The following TWIST2 variants were observed in gnomAD, a reference collection of about 807,000 sequenced individuals.
TWIST2 encodes twist-related protein 2.
In TWIST2, 1 loss-of-function variant was observed where a neutral mutation model predicts 11.6. That is an observed-to-expected ratio of 0.09 (90% CI 0.03 to 0.41). The LOEUF (loss-of-function observed/expected upper bound fraction) is 0.41, where lower values mean the gene tolerates loss of function less well. Among genes scored for constraint, TWIST2 ranks in the 10% least tolerant of loss-of-function variants. TWIST2 has a pLI of 0.98. For missense variants in TWIST2, 168 were observed against 226.4 expected, an observed-to-expected ratio of 0.74 and a Z score of 1.66; for synonymous variants, 87 against 96.6, an observed-to-expected ratio of 0.90 and a Z score of 0.58.
rs144402518 is a variant in TWIST2, at chr2:238,869,965, A to G, written c.*35+21232A>G. 5.3e-4 allele frequency among the ~76,000 whole-genome samples: 81 copies of G among 151,998 alleles called. 1 individual carries two copies. Among genetic ancestry groups the G allele is most frequent in the African/African-American group, 1.7e-3 (72 of 41,380 alleles). ...TGTCTCAAAACAAACACAGAAAATA[A>G]ATGTTGGTGAGGATGTGGAGAAATT... On this transcript the variant is annotated intron_variant, in intron 1 of 1. Coordinates refer to ENST00000612363, the MANE Select transcript of TWIST2 (RefSeq NM_001271893.4).
intron 1 of TWIST2, among the ~76,000 whole-genome samples, chr2:238,876,281 A>G (rs1460393610): frequency 6.6e-6 from 1 of 152,202 alleles, no homozygotes; most frequent in East Asian, 1.9e-4. Flanking sequence ...CCTTACTCCT[A>G]AGGAGTTTGA....
intron 1 of TWIST2, among the ~76,000 whole-genome samples, chr2:238,875,023 A>G (rs961256273): frequency 1.1e-4 from 17 of 152,100 alleles, no homozygotes; most frequent in African/African-American, 4.1e-4. Flanking sequence ...AGCTGGCTGG[A>G]GGGTTTGGAA....
chr2:238,871,386 C>G (rs1692695373), intron 1 of TWIST2, among the ~76,000 whole-genome samples: 1 of 67,928 alleles, frequency 1.5e-5, no homozygotes, highest in South Asian at 7.4e-4. Flanking sequence ...AACCACACAC[C>G]CCATGCACAC....
intron 1 of TWIST2, among the ~76,000 whole-genome samples, chr2:238,874,753 G>C (rs1319724221): frequency 6.6e-6 from 1 of 152,208 alleles, no homozygotes. Flanking sequence ...GATTCAGGTA[G>C]AAGAGTTGCC....
chr2:238,906,436 GCA>G (rs1416135604), intron 1 of TWIST2, among the ~76,000 whole-genome samples: 5 of 149,584 alleles, frequency 3.3e-5, no homozygotes, highest in Admixed American at 1.3e-4. Context: ...ACACGGATGC[GCA>G]CACACACATA....
At chr2:238,848,824 C>T (rs1692183808) in intron 1 of TWIST2, 91 bp downstream of exon 1, 1 of 1,074,518 alleles carries the variant, frequency 9.3e-7, no homozygotes, top group Non-Finnish European at 1.2e-6. Flanking sequence ...GTCTCCTCGG[C>T]GAGGCCCCGC....
intron 1 of TWIST2, among the ~76,000 whole-genome samples, chr2:238,881,391 C>G (rs62647539): frequency 6.6e-6 from 1 of 150,412 alleles, no homozygotes; most frequent in East Asian, 2.0e-4. Flanking sequence ...GTATTAGTTA[C>G]TATTTATTAG....
chr2:238,865,827 A>G (rs1259017579), intron 1 of TWIST2, among the ~76,000 whole-genome samples: 1 of 152,128 alleles, frequency 6.6e-6, no homozygotes, highest in African/African-American at 2.4e-5. Context: ...GGTAGGAAGC[A>G]ATCCCCACAG....
chr2:238,877,255 G>T (rs1692824196), intron 1 of TWIST2, among the ~76,000 whole-genome samples: 1 of 152,034 alleles, frequency 6.6e-6, no homozygotes, highest in African/African-American at 2.4e-5. Context: ...AAGTCAGCAG[G>T]TTTCTCGCCA....
At chr2:238,880,791 T>G (rs1324180616) in intron 1 of TWIST2, among the ~76,000 whole-genome samples, 2 of 124,828 alleles carry the variant, frequency 1.6e-5, no homozygotes, top group Middle Eastern at 5.9e-3. Flanking sequence ...GTATTAGTGT[T>G]AGTGTTAGTA....
intron 1 of TWIST2, among the ~76,000 whole-genome samples, chr2:238,860,319 C>CT (rs1352436192): frequency 6.6e-6 from 1 of 152,200 alleles, no homozygotes; most frequent in African/African-American, 2.4e-5. Context: ...GCTCATTTTT[C>CT]TTTTCTTCCT....
At chr2:238,906,532 A>T (rs1693358297) in intron 1 of TWIST2, among the ~76,000 whole-genome samples, 1 of 152,114 alleles carries the variant, frequency 6.6e-6, no homozygotes, top group African/African-American at 2.4e-5. Flanking sequence ...ACACTGGCAC[A>T]CACACGGGCC....
chr2:238,849,512 G>C (rs1230814688), intron 1 of TWIST2, among the ~76,000 whole-genome samples: 3 of 152,208 alleles, frequency 2.0e-5, no homozygotes, highest in Non-Finnish European at 4.4e-5. Context: ...AGCTGACCTA[G>C]GAACTGGGAG....
chr2:238,865,969 G>C (rs1692523460), intron 1 of TWIST2, among the ~76,000 whole-genome samples: 1 of 152,184 alleles, frequency 6.6e-6, no homozygotes, highest in African/African-American at 2.4e-5. Flanking sequence ...GGGATCTGCT[G>C]TCCCCTCTTC....
At chr2:238,861,997 A>G (rs1474210177) in intron 1 of TWIST2, among the ~76,000 whole-genome samples, 1 of 152,192 alleles carries the variant, frequency 6.6e-6, no homozygotes. Context: ...GGGGCCTACT[A>G]TAATTTCATC....
chr2:238,900,064 T>C (rs1208154880), intron 1 of TWIST2, among the ~76,000 whole-genome samples: 3 of 152,262 alleles, frequency 2.0e-5, no homozygotes, highest in East Asian at 1.9e-4. Context: ...TATCTGTTCA[T>C]AGAAAGTTCT....
intron 1 of TWIST2, among the ~76,000 whole-genome samples, chr2:238,899,285 C>T (rs965835149): frequency 2.6e-5 from 4 of 152,250 alleles, no homozygotes; most frequent in African/African-American, 9.6e-5. Context: ...GTGCCAGGAG[C>T]TGTTCTAGAC....
chr2:238,856,045 A>G (rs1356980181), intron 1 of TWIST2, among the ~76,000 whole-genome samples: 1 of 152,046 alleles, frequency 6.6e-6, no homozygotes, highest in East Asian at 1.9e-4. Flanking sequence ...TGTTTCCACG[A>G]TCCCCAAACT....
At chr2:238,891,054 C>A (rs1693123594) in intron 1 of TWIST2, among the ~76,000 whole-genome samples, 2 of 152,230 alleles carry the variant, frequency 1.3e-5, no homozygotes, top group Non-Finnish European at 2.9e-5. Flanking sequence ...GCTCTCAGTT[C>A]TGCAGTTCAC....
Sources: allele counts gnomAD v4.1 joint callset (sites outside exome capture counted in the v4.1 genomes callset), GRCh38; gene constraint gnomAD v4.1.1; transcripts MANE v1.5; gene names NCBI Gene and HGNC (gene_info 2026-07-23, HGNC 2026-07-21).